Variants in SLIT1 observed in about 807,000 individuals in gnomAD.
SLIT1 encodes slit guidance ligand 1, also known as slit homolog 1 protein.
SLIT1 carries 66 observed loss-of-function variants against 186.1 expected under a neutral mutation model. The observed-to-expected ratio is 0.35, with a 90% confidence interval of 0.29 to 0.44. SLIT1 has a LOEUF of 0.44. SLIT1 is among the 20% of genes least tolerant of loss of function. SLIT1 has a pLI of 1.00. For missense variants in SLIT1, 1,638 were observed against 2,037.4 expected, an observed-to-expected ratio of 0.80 and a Z score of 3.77; for synonymous variants, 761 against 833.8, an observed-to-expected ratio of 0.91 and a Z score of 1.50.
rs1245548904 is a variant in SLIT1, at chr10:97,000,436, A to ACTT, written c.*673_*675dup. The ACTT allele has an allele frequency of 2.0e-5, 3 of 152,352 alleles. No homozygotes were observed. Among genetic ancestry groups the ACTT allele is most frequent in the Admixed American group, 6.5e-5 (1 of 15,294 alleles). The allele number at this position is 152,352 out of a possible 1,614,324, so 9.4% of individuals were successfully genotyped here. On this transcript the variant is annotated 3_prime_UTR_variant, in exon 37 of 37. Coordinates refer to ENST00000266058, the MANE Select transcript of SLIT1 (RefSeq NM_003061.3). ...TCGCAGCTACAGTAGTCATGCTAGAACTTTAGGATTCAGAGGCCTGGTCCT... is the reference window on the plus strand; with the variant it reads ...TCGCAGCTACAGTAGTCATGCTAGAACTTCTTTAGGATTCAGAGGCCTGGTCCT...
At chr10:97,086,849 G>T (rs1849165177) in intron 4 of SLIT1, among the ~76,000 whole-genome samples, 1 of 152,108 alleles carries the variant, frequency 6.6e-6, no homozygotes, top group African/African-American at 2.4e-5. Context: ...TTAGACATTT[G>T]TCCAGACCCA....
At chr10:97,104,991 C>T (rs936252666) in intron 4 of SLIT1, among the ~76,000 whole-genome samples, 7 of 152,134 alleles carry the variant, frequency 4.6e-5, no homozygotes, top group Non-Finnish European at 7.3e-5. Flanking sequence ...GGCTTAGCCC[C>T]GGTGCTGAGT....
At chr10:97,055,946 G>A (rs972876618) in intron 13 of SLIT1, among the ~76,000 whole-genome samples, 3 of 152,126 alleles carry the variant, frequency 2.0e-5, no homozygotes, top group Admixed American at 6.5e-5. Flanking sequence ...GAATCAGCGC[G>A]ATATATTATC....
chr10:97,134,993 C>T (rs780090112), intron 4 of SLIT1, among the ~76,000 whole-genome samples: 4 of 152,192 alleles, frequency 2.6e-5, no homozygotes, highest in Non-Finnish European at 5.9e-5. Context: ...AAAGCAGAGA[C>T]CACAGCCTTT....
chr10:97,166,569 G>GAA (rs1554854788), intron 1 of SLIT1, among the ~76,000 whole-genome samples: 3,437 of 58,468 alleles, frequency 0.059, 227 homozygotes, highest in Non-Finnish European at 0.068. Flanking sequence ...GAGAGAGAGA[G>GAA]AGAAAGAAAG....
At chr10:97,057,981 T>C (rs1020646175) in intron 11 of SLIT1, 1 of 717,468 alleles carries the variant, frequency 1.4e-6, no homozygotes, top group Non-Finnish European at 2.6e-6. Flanking sequence ...TAAAAAATCC[T>C]GGGTACTTCC....
chr10:97,039,816 C>A (rs554446606), intron 21 of SLIT1, among the ~76,000 whole-genome samples, 172 bp downstream of exon 21: 3 of 152,250 alleles, frequency 2.0e-5, no homozygotes, highest in Non-Finnish European at 4.4e-5. Context: ...AAGCTCAAAG[C>A]CTTTCTGGAG....
At chr10:97,018,106 C>T (rs1848470027) in intron 28 of SLIT1, among the ~76,000 whole-genome samples, 1 of 152,168 alleles carries the variant, frequency 6.6e-6, no homozygotes, top group Non-Finnish European at 1.5e-5. Flanking sequence ...CTCGGCCTCC[C>T]AAAGTGTTGG....
intron 4 of SLIT1, among the ~76,000 whole-genome samples, chr10:97,144,197 CAA>C (rs11323387): frequency 1.3e-3 from 185 of 143,426 alleles, no homozygotes; most frequent in Non-Finnish European, 1.9e-3. Context: ...GACTCCATCT[CAA>C]AAAAAAAAAA....
At chr10:97,152,436 G>A (rs1471091368) in intron 4 of SLIT1, among the ~76,000 whole-genome samples, 1 of 129,038 alleles carries the variant, frequency 7.7e-6, no homozygotes, top group African/African-American at 2.5e-5. Flanking sequence ...GCCCTGATGT[G>A]GACTCATCTG....
chr10:97,023,564 A>G (rs1191644466), intron 25 of SLIT1, among the ~76,000 whole-genome samples: 2 of 152,274 alleles, frequency 1.3e-5, no homozygotes, highest in Middle Eastern at 3.4e-3. Context: ...TTTCTTACCA[A>G]TCTGATGGGC....
intron 4 of SLIT1, among the ~76,000 whole-genome samples, chr10:97,105,372 C>A (rs1018207546): frequency 6.6e-6 from 1 of 152,178 alleles, no homozygotes; most frequent in Non-Finnish European, 1.5e-5. Context: ...CAAGCTCTTG[C>A]GTCTGCAGAA....
chr10:97,157,501 G>GC (rs1157903513), intron 4 of SLIT1: 1 of 354,492 alleles, frequency 2.8e-6, no homozygotes, highest in African/African-American at 2.1e-5. Flanking sequence ...GTAAGAATGA[G>GC]CCCCTGTAAA....
At position 97,049,034 on chromosome 10, in the gene SLIT1, A is replaced by G; in HGVS notation, c.1386T>C (p.Ser462=). The G allele has an allele frequency of 6.2e-7, 1 of 1,611,974 alleles. No individual in the cohort carries two copies. The highest frequency in any genetic ancestry group is 8.5e-7 in the Non-Finnish European group (1 of 1,179,486). The change falls in exon 14 of 37, where the codon AGT becomes AGC. Residue 462 remains serine, a synonymous_variant. Transcript: ENST00000266058. ...DFLRTNPIET[S]GARCASPRRL... is the part of the protein sequence containing the mutation. ...GCCGGGGACTGGCACAGCGGGCACC[A>G]CTCGTCTCGATGGGATTGGTGCGCA...
chr10:97,176,609 C>A (rs1348269998), intron 1 of SLIT1, among the ~76,000 whole-genome samples: 2 of 152,204 alleles, frequency 1.3e-5, no homozygotes, highest in Non-Finnish European at 2.9e-5. Flanking sequence ...ACTGCTCTGC[C>A]CACTTTACCA....
At chr10:97,020,499 G>A (rs1157563215) in intron 26 of SLIT1, among the ~76,000 whole-genome samples, 3 of 152,246 alleles carry the variant, frequency 2.0e-5, no homozygotes, top group South Asian at 4.1e-4. Flanking sequence ...CAGCCAAGCC[G>A]CAGATCAGGC....
At chr10:97,164,974 G>A (rs1271567751) in intron 1 of SLIT1, 84 bp from the exon 2 acceptor site, 16 of 975,662 alleles carry the variant, frequency 1.6e-5, no homozygotes, top group South Asian at 5.1e-5. Flanking sequence ...TGCCCTCCCC[G>A]CCTGGATCAG....
intron 25 of SLIT1, among the ~76,000 whole-genome samples, chr10:97,024,162 C>T (rs1299245610): frequency 6.6e-6 from 1 of 152,186 alleles, no homozygotes; most frequent in Non-Finnish European, 1.5e-5. Flanking sequence ...CCATTTTCCA[C>T]CTGTTTCTGG....
At chr10:97,003,293 C>T (rs1258187255) in intron 34 of SLIT1, among the ~76,000 whole-genome samples, 1 of 152,266 alleles carries the variant, frequency 6.6e-6, no homozygotes, top group Non-Finnish European at 1.5e-5. Flanking sequence ...GCCAAGGCGC[C>T]TTCTCTCCCT....
Sources: allele counts gnomAD v4.1 joint callset (sites outside exome capture counted in the v4.1 genomes callset), GRCh38; gene constraint gnomAD v4.1.1; transcripts MANE v1.5; gene names NCBI Gene and HGNC (gene_info 2026-07-23, HGNC 2026-07-21).